Variants in SYNE1 observed in about 807,000 individuals in gnomAD.
SYNE1 encodes spectrin repeat containing nuclear envelope protein 1, also known as nesprin-1.
In SYNE1, 616 loss-of-function variants were observed where a neutral mutation model predicts 1,111.0. That is an observed-to-expected ratio of 0.55 (90% CI 0.52 to 0.59). SYNE1 has a LOEUF of 0.59. Ranked by LOEUF, SYNE1 falls within the 20% of genes least tolerant of loss-of-function variation. SYNE1 has a pLI of 0.00. For missense variants in SYNE1, 10,006 were observed against 10,417.0 expected, an observed-to-expected ratio of 0.96 and a Z score of 1.72; for synonymous variants, 3,855 against 3,825.8, an observed-to-expected ratio of 1.01 and a Z score of -0.28.
chr6:152,202,330 G>C (rs543371829), intron 126 of SYNE1, among the ~76,000 whole-genome samples: 1 of 113,622 alleles, frequency 8.8e-6, no homozygotes, highest in Non-Finnish European at 1.7e-5. Context: ...CTAGGCAAAA[G>C]AGCGAGACTC....
At chr6:152,574,635 A>G (rs2128342597) in intron 3 of SYNE1, among the ~76,000 whole-genome samples, 1 of 152,366 alleles carries the variant, frequency 6.6e-6, no homozygotes, top group Admixed American at 6.5e-5. Flanking sequence ...ATAGGTGCTA[A>G]GTAAATACCG....
At position 152,486,219 on chromosome 6, in the gene SYNE1, C is replaced by A. The variant is rs532609323; in HGVS notation, c.1048-1247G>T. Among the ~76,000 whole-genome samples, 486 of 136,624 alleles carry A rather than the reference C, an allele frequency of 3.6e-3. 2 individuals are homozygous for A. Among genetic ancestry groups the A allele is most frequent in the African/African-American group, 0.01 (407 of 40,018 alleles). The allele number at this position is 136,624 out of a possible 152,430, so 89.6% of individuals were successfully genotyped here. On this transcript the variant is annotated intron_variant, in intron 12 of 145. Coordinates refer to ENST00000367255, the MANE Select transcript of SYNE1 (RefSeq NM_182961.4). ...TGACTAAAAAAAATATTAAAAAAAA[C>A]AACAAAAAAATAAATTTAAAAAAAA...
At chr6:152,404,182 G>A (rs775014234) in intron 46 of SYNE1, 31 bp downstream of exon 46, 1 of 1,501,378 alleles carries the variant, frequency 6.7e-7, no homozygotes, top group Non-Finnish European at 9.3e-7. Flanking sequence ...CAAAATGGAT[G>A]GAAGTCTAGT....
At chr6:152,256,880 T>G (rs1021947213) in intron 101 of SYNE1, 115 bp from the exon 102 acceptor site, 3 of 1,482,152 alleles carry the variant, frequency 2.0e-6, no homozygotes, top group Non-Finnish European at 2.8e-6. Flanking sequence ...GAAAATTTCT[T>G]CTAGAGAAAT....
chr6:152,343,607 C>A (rs943145959), intron 74 of SYNE1, among the ~76,000 whole-genome samples: 1 of 151,838 alleles, frequency 6.6e-6, no homozygotes, highest in Non-Finnish European at 1.5e-5. Flanking sequence ...CGGCTCACTG[C>A]AACCTCTGCC....
At chr6:152,316,163 A>G (rs1287459992) in intron 87 of SYNE1, 9 of 152,288 alleles carry the variant, frequency 5.9e-5, no homozygotes, top group African/African-American at 2.2e-4. Flanking sequence ...GTAACTTCAG[A>G]GGAAATGAAC....
chr6:152,610,841 AACATTCTT>A (rs1441496937), intron 3 of SYNE1, among the ~76,000 whole-genome samples: 3 of 152,196 alleles, frequency 2.0e-5, no homozygotes, highest in Non-Finnish European at 4.4e-5. Flanking sequence ...GCCAATATTC[AACATTCTT>A]AAAGAAAAGA....
intron 105 of SYNE1, among the ~76,000 whole-genome samples, chr6:152,246,169 CCA>C (rs1474945997): frequency 1.3e-5 from 2 of 152,072 alleles, no homozygotes; most frequent in South Asian, 2.1e-4. Flanking sequence ...CATGTTCCAT[CCA>C]CACACAGAGT....
chr6:152,370,904 G>T (rs1477886931), intron 59 of SYNE1, among the ~76,000 whole-genome samples: 2 of 152,162 alleles, frequency 1.3e-5, no homozygotes, highest in African/African-American at 4.8e-5. Flanking sequence ...TTAGCTGTAA[G>T]AATCATTTGA....
rs2153514165 is a variant in SYNE1 at position 152,231,425 on chromosome 6, C to T, written c.21005G>A (p.Ser7002Asn). The change falls in exon 114 of 146, where the codon AGT becomes AAT. Residue 7002 changes from serine (S) to asparagine (N), a missense_variant. Ser to Asn is a conservative substitution (Grantham distance 46). Transcript: ENST00000367255. ...FAEQLGAMNK[S>N]WQILQGLVTE... The stretch of plus-strand genomic sequence containing the variant: ...TACTAGACCTTGCAGAATTTGCCAA[C>T]TTTTATTCATTGCTCCAAGTTGCTC... The T allele has an allele frequency of 4.3e-6, 7 of 1,614,162 alleles. No individual in the cohort carries two copies. The South Asian group carries it at 7.7e-5, about 18-fold the overall frequency.
At chr6:152,476,990 C>A (rs2098838743) in intron 14 of SYNE1, among the ~76,000 whole-genome samples, 1 of 151,872 alleles carries the variant, frequency 6.6e-6, no homozygotes, top group Non-Finnish European at 1.5e-5. Flanking sequence ...TTCAAAGAAA[C>A]AATATTGGGG....
chr6:152,311,528 G>A (rs2095545465), intron 87 of SYNE1, among the ~76,000 whole-genome samples: 1 of 152,196 alleles, frequency 6.6e-6, no homozygotes. Flanking sequence ...AGAGAAGCCA[G>A]TGTGAAGAGA....
intron 95 of SYNE1, 149 bp from the exon 96 acceptor site, chr6:152,284,321 C>A: frequency 2.4e-6 from 2 of 833,760 alleles, no homozygotes; most frequent in Admixed American, 2.0e-5. Flanking sequence ...GCCTACTCAC[C>A]TACATTTCTA....
intron 93 of SYNE1, among the ~76,000 whole-genome samples, chr6:152,295,648 G>A (rs1213082817): frequency 3.3e-5 from 5 of 150,994 alleles, no homozygotes; most frequent in South Asian, 2.1e-4. Context: ...ACACAAACAC[G>A]CACACACACA....
chr6:152,324,152 A>G (rs1025908301), intron 81 of SYNE1, among the ~76,000 whole-genome samples: 3 of 152,142 alleles, frequency 2.0e-5, no homozygotes, highest in African/African-American at 7.2e-5. Context: ...TAATCCCAGC[A>G]CTTTCGGAGG....
At position 152,484,927 on chromosome 6, in the gene SYNE1, T is replaced by A; in HGVS notation, c.1093A>T (p.Ile365Phe). ...RVQYEMKRKQ[I>F]EHLIQPLHRD... ...TGTAATGGTTGTATTAAATGTTCAA[T>A]CTGTTTCCTCTTCATTTCATATTGA... Residue 365 changes from isoleucine to phenylalanine, a missense_variant, in exon 13 of 146, where the codon ATT becomes TTT. Coordinates refer to ENST00000367255, the MANE Select transcript of SYNE1 (RefSeq NM_182961.4). 1 of 1,613,522 alleles carries A rather than the reference T, an allele frequency of 6.2e-7. No homozygotes were observed. The highest frequency in any genetic ancestry group is 2.2e-5 in the East Asian group (1 of 44,834).
At chr6:152,340,562 C>T (rs1389568287) in intron 74 of SYNE1, among the ~76,000 whole-genome samples, 2 of 152,222 alleles carry the variant, frequency 1.3e-5, no homozygotes, top group East Asian at 1.9e-4. Context: ...TGCCAAATGT[C>T]CCTTGTAGGA....
chr6:152,469,126 C>A (rs979347115), intron 16 of SYNE1, among the ~76,000 whole-genome samples: 3 of 152,046 alleles, frequency 2.0e-5, no homozygotes, highest in Non-Finnish European at 4.4e-5. Context: ...GAAAGAATTG[C>A]ACTTACAAAA....
chr6:152,383,545 A>C (rs1257422024), intron 55 of SYNE1, among the ~76,000 whole-genome samples: 1 of 152,094 alleles, frequency 6.6e-6, no homozygotes, highest in Admixed American at 6.6e-5. Flanking sequence ...TTAGAGCCTC[A>C]GTGGCATCAC....
Sources: allele counts gnomAD v4.1 joint callset (sites outside exome capture counted in the v4.1 genomes callset), GRCh38; gene constraint gnomAD v4.1.1; transcripts MANE v1.5; gene names NCBI Gene and HGNC (gene_info 2026-07-23, HGNC 2026-07-21).